The following EEIG2 variants were observed in gnomAD, a reference collection of about 807,000 sequenced individuals.
EEIG2 encodes family with sequence similarity 102 member B.
chr1:108,588,260 ATT>A, the EEIG2 span, among the ~76,000 whole-genome samples: 1 of 152,012 alleles, frequency 6.6e-6, no homozygotes, highest in Non-Finnish European at 1.5e-5. Context: ...TCATGGTGCT[ATT>A]TTTTATTTTT....
chr1:108,593,567 A>T, the EEIG2 span, among the ~76,000 whole-genome samples: 1 of 152,138 alleles, frequency 6.6e-6, no homozygotes, highest in Non-Finnish European at 1.5e-5. Context: ...AAGAAGAGAG[A>T]CTGCATATTG....
the EEIG2 span, among the ~76,000 whole-genome samples, chr1:108,595,432 AGGAG>A: frequency 3.4e-5 from 4 of 119,008 alleles, no homozygotes; most frequent in Admixed American, 3.8e-4. Flanking sequence ...AGAGGAGGAA[AGGAG>A]GGAGGGAGGG....
At chr1:108,560,365 C>G in the EEIG2 span, 30 of 1,418,120 alleles carry the variant, frequency 2.1e-5, no homozygotes, top group Non-Finnish European at 2.7e-5. Flanking sequence ...TGATCCGGGG[C>G]TCGGCCAAGC....
the EEIG2 span, among the ~76,000 whole-genome samples, chr1:108,569,642 G>C: frequency 4.6e-5 from 7 of 152,050 alleles, no homozygotes; most frequent in African/African-American, 1.7e-4. Context: ...TGATTCTTAA[G>C]GCCCTTTCTA....
chr1:108,629,773 G>A, the EEIG2 span: 1 of 753,908 alleles, frequency 1.3e-6, no homozygotes, highest in East Asian at 2.7e-5. Context: ...AACACAGATA[G>A]TAGTAGTTAC....
chr1:108,571,920 C>T, the EEIG2 span, among the ~76,000 whole-genome samples: 1 of 152,186 alleles, frequency 6.6e-6, no homozygotes, highest in Admixed American at 6.5e-5. Context: ...ATCTTTGATC[C>T]TGTCCTTGTT....
chr1:108,584,928 T>C, the EEIG2 span, among the ~76,000 whole-genome samples: 4 of 152,166 alleles, frequency 2.6e-5, no homozygotes, highest in African/African-American at 9.7e-5. Context: ...AGATTATTCA[T>C]AGTCCTTCCA....
At chr1:108,624,902 T>G in the EEIG2 span, 9 of 635,668 alleles carry the variant, frequency 1.4e-5, no homozygotes, top group Non-Finnish European at 2.5e-5. Flanking sequence ...AGTGCTTTAT[T>G]TTGTCTAAAG....
chr1:108,631,093 ACAGAAGATGTAACACT>A, the EEIG2 span: 1 of 379,480 alleles, frequency 2.6e-6, no homozygotes, highest in Non-Finnish European at 5.3e-6. Context: ...AAAAGGATTT[ACAGAAGATGTAACACT>A]ATTTAGATCT....
chr1:108,600,757 G>T, the EEIG2 span: 3 of 1,492,616 alleles, frequency 2.0e-6, no homozygotes, highest in Non-Finnish European at 2.7e-6. Flanking sequence ...GGCTGGCTTT[G>T]TTTATCTCTG....
the EEIG2 span, among the ~76,000 whole-genome samples, chr1:108,565,546 A>G: frequency 3.7e-3 from 569 of 152,346 alleles, 5 homozygotes; most frequent in African/African-American, 0.013. Context: ...TGGCCTACTT[A>G]AACAAAGGAA....
chr1:108,609,569 C>T, the EEIG2 span, among the ~76,000 whole-genome samples: 2 of 151,952 alleles, frequency 1.3e-5, no homozygotes, highest in Non-Finnish European at 2.9e-5. Context: ...CAGCATTTCC[C>T]GCAAAAGAAC....
the EEIG2 span, among the ~76,000 whole-genome samples, chr1:108,631,922 T>C: frequency 2.4e-4 from 36 of 152,036 alleles, 2 homozygotes; most frequent in African/African-American, 7.2e-4. Context: ...AAGACCAGCC[T>C]GGCCAACATG....
At chr1:108,606,286 T>C in the EEIG2 span, 4 of 1,469,640 alleles carry the variant, frequency 2.7e-6, no homozygotes, top group African/African-American at 2.8e-5. Context: ...TTTTGGAACA[T>C]GTAATGTTGC....
chr1:108,617,494 C>T, the EEIG2 span, among the ~76,000 whole-genome samples: 1 of 152,192 alleles, frequency 6.6e-6, no homozygotes, highest in Non-Finnish European at 1.5e-5. Flanking sequence ...CCCTATTTAA[C>T]ATCCAGCGGG....
At chr1:108,574,746 G>T in the EEIG2 span, among the ~76,000 whole-genome samples, 1 of 152,154 alleles carries the variant, frequency 6.6e-6, no homozygotes, top group Non-Finnish European at 1.5e-5. Flanking sequence ...GCTAGACTTC[G>T]TCTCAAAGAA....
chr1:108,625,788 G>C, the EEIG2 span: 196 of 34,218 alleles, frequency 5.7e-3, no homozygotes, highest in African/African-American at 0.01. Context: ...GTGTGTGTGT[G>C]TGTGTGTGTG....
At chr1:108,595,550 G>A in the EEIG2 span, among the ~76,000 whole-genome samples, 2 of 137,448 alleles carry the variant, frequency 1.5e-5, no homozygotes, top group South Asian at 2.5e-4. Context: ...TAGCTTTTAC[G>A]GAGGGAGAGA....
At chr1:108,604,513 GA>G in the EEIG2 span, among the ~76,000 whole-genome samples, 1 of 152,182 alleles carries the variant, frequency 6.6e-6, no homozygotes, top group Non-Finnish European at 1.5e-5. Flanking sequence ...TCTTTCTACA[GA>G]GATTGAATGA....
Sources: gnomAD v4.1 joint callset for allele counts (sites outside exome capture counted in the v4.1 genomes callset) on GRCh38, gnomAD v4.1.1 for gene constraint, MANE v1.5 for transcripts, NCBI Gene and HGNC (gene_info 2026-07-23, HGNC 2026-07-21) for gene names.